Variants in KLF7 observed in about 807,000 individuals in gnomAD.
KLF7 encodes KLF transcription factor 7, also known as Krueppel-like factor 7.
KLF7 carries 2 observed loss-of-function variants against 27.3 expected under a neutral mutation model. The observed-to-expected ratio is 0.07, with a 90% confidence interval of 0.03 to 0.23. The LOEUF is 0.23. Among genes scored for constraint, KLF7 ranks in the 10% least tolerant of loss-of-function variants. The pLI is 1.00. For missense variants in KLF7, 221 were observed against 394.1 expected, an observed-to-expected ratio of 0.56 and a Z score of 3.72; for synonymous variants, 165 against 162.4, an observed-to-expected ratio of 1.02 and a Z score of -0.12.
chr2:207,162,721 A>G (rs947307261), intron 1 of KLF7, among the ~76,000 whole-genome samples: 1 of 152,186 alleles, frequency 6.6e-6, no homozygotes, highest in African/African-American at 2.4e-5. Context: ...AAATCCCCAA[A>G]TTGTTTATCT....
intron 1 of KLF7, among the ~76,000 whole-genome samples, chr2:207,159,258 T>G (rs987928986): frequency 6.6e-6 from 1 of 152,226 alleles, no homozygotes; most frequent in Admixed American, 6.5e-5. Flanking sequence ...TGTATTCACA[T>G]TGTATACTCA....
chr2:207,092,209 A>G (rs889536097), intron 2 of KLF7, among the ~76,000 whole-genome samples: 9 of 152,218 alleles, frequency 5.9e-5, no homozygotes, highest in Admixed American at 5.2e-4. Flanking sequence ...GCACCTCTAG[A>G]GTGAACAAAA....
At position 207,077,922 on chromosome 2, in the gene KLF7, C is replaced by A. The variant is rs140960816; in HGVS notation, c.*3291G>T. On this transcript the variant is annotated 3_prime_UTR_variant, in exon 4 of 4. Coordinates refer to ENST00000309446, the MANE Select transcript of KLF7 (RefSeq NM_003709.4). Reference sequence around the variant, plus strand: ...GGGTTTTTCCTTTCAAATTTGGGATCCCCTGGAGGGTTAGGAGGTAACAAC... The same window carrying A: ...GGGTTTTTCCTTTCAAATTTGGGATACCCTGGAGGGTTAGGAGGTAACAAC... 63 of 152,252 alleles carry A rather than the reference C, an allele frequency of 4.1e-4. No homozygotes were observed. Among genetic ancestry groups the A allele is most frequent in the African/African-American group, 1.5e-3 (61 of 41,530 alleles). 9.4% of individuals were successfully genotyped at this position (152,252 alleles called of 1,614,324 possible).
At chr2:207,166,017 T>TCC, upstream of KLF7, 2 of 951,298 alleles carry the variant, frequency 2.1e-6, no homozygotes, top group Non-Finnish European at 2.5e-6. Flanking sequence ...TCGCTTCTCT[T>TCC]CCCCCCCCTT....
At chr2:207,135,843 C>T (rs1183225976) in intron 1 of KLF7, among the ~76,000 whole-genome samples, 2 of 152,112 alleles carry the variant, frequency 1.3e-5, no homozygotes, top group African/African-American at 2.4e-5. Context: ...TAAATGCTTA[C>T]TGTCTGGGAC....
intron 2 of KLF7, among the ~76,000 whole-genome samples, chr2:207,108,380 T>C (rs1317537846): frequency 1.3e-5 from 2 of 151,996 alleles, no homozygotes; most frequent in Non-Finnish European, 2.9e-5. Flanking sequence ...CCACGGCAGG[T>C]AGAATGAAAT....
intron 1 of KLF7, among the ~76,000 whole-genome samples, chr2:207,141,367 G>C (rs2077938247): frequency 6.6e-6 from 1 of 152,116 alleles, no homozygotes; most frequent in African/African-American, 2.4e-5. Flanking sequence ...CTATTTCTGA[G>C]GATGCTTTCC....
rs760660350 is a variant in KLF7, at chr2:207,124,210, G to C, written c.297C>G (p.Leu99=). Residue 99 remains leucine (L), a synonymous_variant, in exon 2 of 4, where the codon CTC becomes CTG. Transcript: ENST00000309446. ...TCTCAGATAGCAACTTGTCCCGAGA[G>C]AGCAAGATGTCCACTGCCGAGCTCT... ...CEKSSAVDIL[L]SRDKLLSETC... is the part of the protein sequence containing the mutation. The C allele has an allele frequency of 6.2e-6, 10 of 1,614,042 alleles. No homozygotes were observed. In the Admixed American group the frequency reaches 1.0e-4, roughly 16 times the overall value.
intron 2 of KLF7, among the ~76,000 whole-genome samples, chr2:207,102,762 T>C (rs2076796556): frequency 6.6e-6 from 1 of 152,202 alleles, no homozygotes; most frequent in East Asian, 1.9e-4. Flanking sequence ...CTATATTCAT[T>C]CTCCCCTTAT....
intron 1 of KLF7, among the ~76,000 whole-genome samples, chr2:207,140,240 C>T (rs1056700788): frequency 6.6e-6 from 1 of 152,058 alleles, no homozygotes; most frequent in Admixed American, 6.6e-5. Context: ...TATTGAAGAC[C>T]TTATTTTGGT....
intron 1 of KLF7, among the ~76,000 whole-genome samples, chr2:207,135,623 A>G (rs76498337): frequency 1.4e-3 from 212 of 152,338 alleles, no homozygotes; most frequent in African/African-American, 5.1e-3. Flanking sequence ...AATCAAAGTG[A>G]AAGTCAACAG....
At chr2:207,100,059 G>A (rs910788141) in intron 2 of KLF7, among the ~76,000 whole-genome samples, 1 of 152,184 alleles carries the variant, frequency 6.6e-6, no homozygotes, top group Non-Finnish European at 1.5e-5. Context: ...GAGCAGGGGA[G>A]GCTGAGGCTG....
chr2:207,103,662 G>A (rs2076816895), intron 2 of KLF7, among the ~76,000 whole-genome samples: 1 of 152,178 alleles, frequency 6.6e-6, no homozygotes, highest in Non-Finnish European at 1.5e-5. Flanking sequence ...TCACCATCAG[G>A]AGACCTGTGC....
chr2:207,129,859 T>C (rs1425125881), intron 1 of KLF7, among the ~76,000 whole-genome samples: 1 of 152,236 alleles, frequency 6.6e-6, no homozygotes, highest in Non-Finnish European at 1.5e-5. Context: ...GGCAGAATTT[T>C]CCAGAGACAG....
rs2076205492 is a variant in KLF7 at position 207,077,910 on chromosome 2, C to G, written c.*3303G>C. On this transcript the variant is annotated 3_prime_UTR_variant, in exon 4 of 4. Transcript: ENST00000309446. ...AAACACCAGGCCGGGTTTTTCCTTT[C>G]AAATTTGGGATCCCCTGGAGGGTTA... is the stretch of plus-strand genomic sequence containing the variant. The G allele has an allele frequency of 6.6e-6, 1 of 152,112 alleles. No homozygotes were observed. Among genetic ancestry groups the G allele is most frequent in the Non-Finnish European group, 1.5e-5 (1 of 68,024 alleles). 9.4% of individuals were successfully genotyped at this position (152,112 alleles called of 1,614,324 possible). A position where few individuals can be genotyped will look rare whatever the true frequency, so the allele number is the denominator to read the frequency against.
chr2:207,132,026 T>C (rs568272326), intron 1 of KLF7, among the ~76,000 whole-genome samples: 36 of 152,154 alleles, frequency 2.4e-4, no homozygotes, highest in Non-Finnish European at 4.3e-4. Flanking sequence ...ACCTAGAGAG[T>C]GATTCCTAAC....
chr2:207,152,272 T>TAC lies in KLF7; in HGVS notation c.102+13193_102+13194dup, dbSNP rs67380335. Among the ~76,000 whole-genome samples, 657 of 150,560 alleles carry TAC rather than the reference T, an allele frequency of 4.4e-3. 6 individuals carry two copies. Among genetic ancestry groups the TAC allele is most frequent in the African/African-American group, 0.015 (616 of 40,672 alleles). On this transcript the variant is annotated intron_variant, in intron 1 of 3. Coordinates refer to ENST00000309446, the MANE Select transcript of KLF7 (RefSeq NM_003709.4). ...CTAAGAACTGGTTACATGTTTTTCTTACACACACACACACACACACACACA... is the reference window on the plus strand; with the variant it reads ...CTAAGAACTGGTTACATGTTTTTCTTACACACACACACACACACACACACACA...
At chr2:207,149,038 C>A in intron 1 of KLF7, 1 of 1,183,764 alleles carries the variant, frequency 8.4e-7, no homozygotes, top group South Asian at 1.6e-5. Context: ...AGGAATGTCT[C>A]CTTACAGCCA....
intron 1 of KLF7, among the ~76,000 whole-genome samples, chr2:207,151,779 T>C (rs1481307954): frequency 1.3e-5 from 2 of 151,540 alleles, no homozygotes; most frequent in Admixed American, 6.6e-5. Flanking sequence ...GGGCCTTTAT[T>C]TGGCACTCAA....
Sources: allele counts gnomAD v4.1 joint callset (sites outside exome capture counted in the v4.1 genomes callset), GRCh38; gene constraint gnomAD v4.1.1; transcripts MANE v1.5; gene names NCBI Gene and HGNC (gene_info 2026-07-23, HGNC 2026-07-21).